Variants in ADGRG2 observed in about 807,000 individuals in gnomAD.
ADGRG2 encodes G protein-coupled receptor 64.
Under a neutral mutation model 74.1 loss-of-function variants are expected in ADGRG2, and 26 were observed. The observed-to-expected ratio is 0.35, with a 90% confidence interval of 0.26 to 0.49. ADGRG2 has a LOEUF of 0.49. Ranked by LOEUF, ADGRG2 falls within the 20% of genes least tolerant of loss-of-function variation. The pLI is 0.99. For synonymous variants in ADGRG2, 296 were observed against 295.2 expected, an observed-to-expected ratio of 1.00 and a Z score of -0.03; for missense variants, 619 against 763.1, an observed-to-expected ratio of 0.81 and a Z score of 2.22.
chrX:19,072,275 C>A (rs2061666671), intron 2 of ADGRG2, among the ~76,000 whole-genome samples: 1 of 110,613 alleles, frequency 9.0e-6, no homozygotes, highest in South Asian at 3.9e-4. Context: ...AAAGATTGGA[C>A]ACCCCTGCAA....
chrX:18,997,624 G>A (rs1314632273), intron 26 of ADGRG2, among the ~76,000 whole-genome samples: 2 of 112,315 alleles, frequency 1.8e-5, no homozygotes, highest in East Asian at 2.8e-4. Flanking sequence ...TTGAGGAACC[G>A]CTATATTATA....
intron 20 of ADGRG2, 135 bp from the exon 21 acceptor site, chrX:19,006,400 G>T (rs2060233135): frequency 6.1e-6 from 3 of 491,464 alleles, no homozygotes; most frequent in African/African-American, 2.4e-5. Flanking sequence ...AATTTTTAGA[G>T]AGTTCTTATT....
chrX:19,087,268 C>T (rs2061949217), intron 1 of ADGRG2, among the ~76,000 whole-genome samples: 1 of 112,517 alleles, frequency 8.9e-6, no homozygotes, highest in Non-Finnish European at 1.9e-5. Context: ...AAACATTTAA[C>T]TGGGTGCCTA....
At chrX:19,024,029 A>G in intron 11 of ADGRG2, 81 bp from the exon 12 acceptor site, 1 of 676,769 alleles carries the variant, frequency 1.5e-6, no homozygotes, top group Non-Finnish European at 2.4e-6. Flanking sequence ...TTAGCAATTA[A>G]ATCAAGCACA....
chrX:19,039,092 T>C (rs1601959240), intron 4 of ADGRG2, among the ~76,000 whole-genome samples: 1 of 111,688 alleles, frequency 9.0e-6, no homozygotes. Context: ...CGACAACAGC[T>C]ACTATTATTC....
At chrX:19,098,600 A>G (rs1488192638) in intron 1 of ADGRG2, among the ~76,000 whole-genome samples, 1 of 112,170 alleles carries the variant, frequency 8.9e-6, no homozygotes, top group Non-Finnish European at 1.9e-5. Context: ...CATCAGTAGT[A>G]GCTCAGTAAA....
intron 26 of ADGRG2, 43 bp downstream of exon 26, chrX:18,998,953 C>A (rs370474282): frequency 3.7e-5 from 39 of 1,043,756 alleles, no homozygotes; most frequent in Non-Finnish European, 5.0e-5. Flanking sequence ...TTTTTATATT[C>A]AACTGGGATC....
chrX:19,004,150 G>C (rs973003634), intron 23 of ADGRG2, among the ~76,000 whole-genome samples: 1 of 111,828 alleles, frequency 8.9e-6, no homozygotes, highest in Non-Finnish European at 1.9e-5. Flanking sequence ...ATTCGTTAAT[G>C]CAATAAAAAT....
At chrX:19,019,750 C>T (rs927647855) in intron 14 of ADGRG2, 85 bp from the exon 15 acceptor site, 17 of 525,500 alleles carry the variant, frequency 3.2e-5, no homozygotes, top group South Asian at 2.0e-4. Context: ...TTAAGTATCA[C>T]GGTTCCTACA....
intron 1 of ADGRG2, among the ~76,000 whole-genome samples, chrX:19,084,755 C>G (rs898295573): frequency 4.5e-5 from 5 of 112,042 alleles, no homozygotes; most frequent in Non-Finnish European, 9.4e-5. Flanking sequence ...CATAATAAAG[C>G]ACACTTAATG....
intron 26 of ADGRG2, among the ~76,000 whole-genome samples, chrX:18,998,337 A>G (rs760625568): frequency 9.0e-6 from 1 of 110,541 alleles, no homozygotes; most frequent in Admixed American, 9.7e-5. Context: ...TTTTTTTTTT[A>G]AAAGAAACCA....
At chrX:19,060,215 A>C (rs1464783559) in intron 3 of ADGRG2, among the ~76,000 whole-genome samples, 4 of 112,717 alleles carry the variant, frequency 3.5e-5, no homozygotes, top group African/African-American at 1.3e-4. Flanking sequence ...GACAGCAACG[A>C]TAACTTGGGG....
At chrX:19,087,999 G>A (rs1421573316) in intron 1 of ADGRG2, among the ~76,000 whole-genome samples, 4 of 110,778 alleles carry the variant, frequency 3.6e-5, no homozygotes. Flanking sequence ...ACCACATGGT[G>A]AGAGCCTCAC....
At position 19,079,958 on chromosome X, in the gene ADGRG2, T is replaced by C. The variant is rs147788154; in HGVS notation, c.-2+2744A>G. Among the ~76,000 whole-genome samples, 909 of 106,897 alleles carry C rather than the reference T, an allele frequency of 8.5e-3. 8 individuals carry two copies. The highest frequency in any genetic ancestry group is 0.029 in the African/African-American group (845 of 29,334). 92.8% of individuals were successfully genotyped at this position (106,897 alleles called of 115,157 possible). A position where few individuals can be genotyped will look rare whatever the true frequency, so the allele number is the denominator to read the frequency against. Reference sequence around the variant, plus strand: ...GGAGTTTTGCTCTTGTCACCCAGGCTGGAATGCAATGGCGTGATCTCGGCT... The same window carrying C: ...GGAGTTTTGCTCTTGTCACCCAGGCCGGAATGCAATGGCGTGATCTCGGCT... On this transcript the variant is annotated intron_variant, in intron 2 of 28. Transcript: ENST00000379869.
Position 19,019,624 on chromosome X carries a change from G to T in ADGRG2, c.685C>A (p.Pro229Thr). 8.6e-7 allele frequency: 1 copy of T among 1,162,364 alleles called. No individual in the cohort carries two copies. The highest frequency in any genetic ancestry group is 1.2e-6 in the Non-Finnish European group (1 of 851,873). The part of the protein sequence containing the change: ...CSVRIPCPSS[P>T]EELEKLQCDL... ...CACTGAAGCTTTTCCAACTCTTCTG[G>T]GGAGGAAGGGCAGGGTATCCTGACA... The change falls in exon 15 of 29, where the codon CCA (proline) becomes ACA (threonine). Residue 229 changes from proline (P) to threonine (T), a missense_variant. Pro to Thr is a conservative substitution (Grantham distance 38). Around this residue, in one of 3 missense-constraint regions of ADGRG2, gnomAD observed 292 missense variants for 318.0 expected, o/e 0.92. Transcript: ENST00000379869.
intron 3 of ADGRG2, among the ~76,000 whole-genome samples, chrX:19,043,579 C>T (rs1484398688): frequency 9.0e-6 from 1 of 111,249 alleles, no homozygotes; most frequent in African/African-American, 3.3e-5. Context: ...ATTATGGTGC[C>T]GTGTCTATAA....
At chrX:19,004,669 C>G (rs1773787109) in intron 23 of ADGRG2, 89 bp downstream of exon 23, 2 of 925,984 alleles carry the variant, frequency 2.2e-6, no homozygotes, top group Non-Finnish European at 3.1e-6. Flanking sequence ...CAGGGTAAGG[C>G]AGGCCGAGGA....
chrX:19,007,047 C>T (rs770370216), intron 20 of ADGRG2, among the ~76,000 whole-genome samples, 188 bp downstream of exon 20: 3 of 111,522 alleles, frequency 2.7e-5, no homozygotes, highest in Non-Finnish European at 5.6e-5. Flanking sequence ...TGAACCACTG[C>T]ACCTGCCCTG....
chrX:19,027,828 C>G (rs1353642919), intron 10 of ADGRG2, among the ~76,000 whole-genome samples: 1 of 112,096 alleles, frequency 8.9e-6, no homozygotes, highest in Admixed American at 9.5e-5. Context: ...CCCCATGGGG[C>G]AAAGAGAATC....
Sources: allele counts gnomAD v4.1 joint callset (sites outside exome capture counted in the v4.1 genomes callset), GRCh38; gene constraint gnomAD v4.1.1; regional missense constraint gnomAD v4.1.1; transcripts MANE v1.5; gene names NCBI Gene and HGNC (gene_info 2026-07-23, HGNC 2026-07-21).